ST18: variants seen among roughly 807,000 people sequenced by gnomAD.
ST18 encodes the protein ST18 C2H2C-type zinc finger transcription factor.
In ST18, 50 loss-of-function variants were observed where a neutral mutation model predicts 110.0. That is an observed-to-expected ratio of 0.45 (90% CI 0.36 to 0.58). The LOEUF is 0.58. Ranked by LOEUF, ST18 falls within the 20% of genes least tolerant of loss-of-function variation. The pLI, the probability that ST18 is intolerant of heterozygous loss-of-function variation, is 0.00. For missense variants in ST18, 1,306 were observed against 1,280.1 expected, an observed-to-expected ratio of 1.02 and a Z score of -0.31; for synonymous variants, 461 against 452.4, an observed-to-expected ratio of 1.02 and a Z score of -0.24.
At position 52,319,432 on chromosome 8, in the gene ST18, C is replaced by T. The variant is rs145141541; in HGVS notation, c.-464-89355G>A. Among the ~76,000 whole-genome samples, 586 of 151,896 alleles carry T rather than the reference C, an allele frequency of 3.9e-3. 3 individuals carry two copies. The highest frequency in any genetic ancestry group is 0.013 in the African/African-American group (559 of 41,438). ...CGTTGATTTCTTCTTACAGTTTTTC[C>T]CATTTCTTCTTTCCATATTCCAGAC... On this transcript the variant is annotated intron_variant, in intron 2 of 25. Coordinates refer to ENST00000689386, the MANE Select transcript of ST18 (RefSeq NM_001352837.2).
intron 8 of ST18, among the ~76,000 whole-genome samples, chr8:52,195,779 T>C (rs1226934427): frequency 6.6e-6 from 1 of 152,222 alleles, no homozygotes; most frequent in Non-Finnish European, 1.5e-5. Context: ...CAATTTTACC[T>C]TAACTAACTT....
rs1325237926 is a variant in ST18, at chr8:52,159,123, A to T, written c.1595-14T>A. ...GAAAATGCTTTGCTGTTGAAGAGAG[A>T]TTTGATTAGCAATTGCATGTACATG... On this transcript the variant is annotated splice_polypyrimidine_tract_variant and intron_variant, in intron 14 of 25. Coordinates refer to ENST00000689386, the MANE Select transcript of ST18 (RefSeq NM_001352837.2). The T allele has an allele frequency of 6.2e-7, 1 of 1,610,632 alleles. No individual in the cohort carries two copies. Among genetic ancestry groups the T allele is most frequent in the Admixed American group, 1.7e-5 (1 of 59,886 alleles).
At chr8:52,213,323 T>C (rs2136054422) in intron 7 of ST18, among the ~76,000 whole-genome samples, 1 of 152,286 alleles carries the variant, frequency 6.6e-6, no homozygotes, top group South Asian at 2.1e-4. Flanking sequence ...CTTGACTACA[T>C]ACACAAATAT....
At chr8:52,249,457 C>T (rs191095127) in intron 2 of ST18, 1 of 152,222 alleles carries the variant, frequency 6.6e-6, no homozygotes, top group Non-Finnish European at 1.5e-5. Context: ...GTGTTTGTGT[C>T]GTTGTGTGGT....
intron 8 of ST18, among the ~76,000 whole-genome samples, chr8:52,181,960 G>A (rs1202134264): frequency 6.6e-6 from 1 of 152,096 alleles, no homozygotes; most frequent in African/African-American, 2.4e-5. Flanking sequence ...TGAACCTCCT[G>A]AAGAGAGTAT....
intron 8 of ST18, among the ~76,000 whole-genome samples, chr8:52,204,181 C>T (rs1469758100): frequency 2.0e-5 from 3 of 152,208 alleles, no homozygotes; most frequent in Non-Finnish European, 4.4e-5. Context: ...TATTCTGCTG[C>T]TTGTCTTCAA....
chr8:52,199,885 C>T lies in ST18; in HGVS notation c.86+12194G>A, dbSNP rs1044400546. Among the ~76,000 whole-genome samples the T allele has an allele frequency of 8.5e-5, 13 of 152,272 alleles. No homozygotes were observed. The South Asian group carries it at 2.7e-3, about 32-fold the overall frequency. On this transcript the variant is annotated intron_variant, in intron 8 of 25. Coordinates refer to ENST00000689386, the MANE Select transcript of ST18 (RefSeq NM_001352837.2). ...TCTGTGACAGCAGAAGTTCCCTGGGCAATTTCTCTTCCTTCAAACTCAGGT... is the reference window on the plus strand; with the variant it reads ...TCTGTGACAGCAGAAGTTCCCTGGGTAATTTCTCTTCCTTCAAACTCAGGT...
intron 2 of ST18, among the ~76,000 whole-genome samples, chr8:52,293,190 G>A (rs768808261): frequency 1.3e-5 from 2 of 152,230 alleles, no homozygotes; most frequent in Non-Finnish European, 2.9e-5. Context: ...TGCTTTGTTA[G>A]AGAATTACCA....
chr8:52,131,516 C>T (rs1306782018), intron 22 of ST18, among the ~76,000 whole-genome samples: 1 of 152,152 alleles, frequency 6.6e-6, no homozygotes, highest in Non-Finnish European at 1.5e-5. Flanking sequence ...GAGTCACATC[C>T]TCCCAGTAGC....
Position 52,113,133 on chromosome 8 carries a change from C to T in ST18, c.*65G>A. On this transcript the variant is annotated 3_prime_UTR_variant, in exon 26 of 26. Coordinates refer to ENST00000689386, the MANE Select transcript of ST18 (RefSeq NM_001352837.2). ...CTCCACGCCTTAGCAGTACATGAACCTCTAACAGATCCATCTGGAGTTTAC... is the reference window on the plus strand; with the variant it reads ...CTCCACGCCTTAGCAGTACATGAACTTCTAACAGATCCATCTGGAGTTTAC... The T allele has an allele frequency of 3.1e-6, 5 of 1,596,098 alleles. No individual in the cohort carries two copies. The highest frequency in any genetic ancestry group is 3.4e-6 in the Non-Finnish European group (4 of 1,171,736).
chr8:52,397,670 A>C (rs1841622014), intron 2 of ST18, among the ~76,000 whole-genome samples: 1 of 152,286 alleles, frequency 6.6e-6, no homozygotes, highest in Admixed American at 6.5e-5. Context: ...GCATGTGGAA[A>C]TACAATTTTT....
At chr8:52,333,283 T>A (rs1355095735) in intron 2 of ST18, among the ~76,000 whole-genome samples, 1 of 149,912 alleles carries the variant, frequency 6.7e-6, no homozygotes, top group African/African-American at 2.5e-5. Context: ...AAATAAGACC[T>A]GCATAGCATT....
At chr8:52,295,705 T>C (rs573847705) in intron 2 of ST18, among the ~76,000 whole-genome samples, 26 of 92,118 alleles carry the variant, frequency 2.8e-4, no homozygotes, top group African/African-American at 1.0e-3. Context: ...GCTTCTCTTT[T>C]TTTCCTTTTT....
chr8:52,306,770 A>G (rs968122352), intron 2 of ST18, among the ~76,000 whole-genome samples: 2 of 152,316 alleles, frequency 1.3e-5, no homozygotes, highest in East Asian at 1.9e-4. Context: ...TACCTGGTTT[A>G]TTGATATAAT....
chr8:52,313,803 C>T (rs889681262), intron 2 of ST18, among the ~76,000 whole-genome samples: 4 of 152,168 alleles, frequency 2.6e-5, no homozygotes, highest in African/African-American at 9.6e-5. Context: ...AGGCCTCCCG[C>T]AGCAATGGGA....
chr8:52,396,078 T>C (rs1172250903), intron 2 of ST18, among the ~76,000 whole-genome samples: 1 of 152,142 alleles, frequency 6.6e-6, no homozygotes, highest in Non-Finnish European at 1.5e-5. Flanking sequence ...AGGAAACATA[T>C]AGGTAGTAAA....
At position 52,133,183 on chromosome 8, in the gene ST18, C is replaced by T. The variant is rs201728888; in HGVS notation, c.2364-46G>A. On this transcript the variant is annotated intron_variant, in intron 20 of 25. Transcript: ENST00000689386. ...AGAACAAAGCAAAATTATGTGATCTCTCTGACTGCTGCCGACAAGCTCATT... is the reference window on the plus strand; with the variant it reads ...AGAACAAAGCAAAATTATGTGATCTTTCTGACTGCTGCCGACAAGCTCATT... 1.4e-5 allele frequency: 23 copies of T among 1,614,190 alleles called. No homozygotes were observed. The East Asian group carries it at 4.7e-4, about 33-fold the overall frequency.
chr8:52,338,722 C>T (rs1283079825), intron 2 of ST18, among the ~76,000 whole-genome samples: 2 of 151,990 alleles, frequency 1.3e-5, no homozygotes, highest in African/African-American at 4.8e-5. Context: ...TCACACCTGG[C>T]CTCTTTTTTT....
chr8:52,235,075 G>A (rs2092409975), intron 2 of ST18, among the ~76,000 whole-genome samples: 1 of 151,790 alleles, frequency 6.6e-6, no homozygotes, highest in African/African-American at 2.4e-5. Context: ...AAATTTACTT[G>A]TGTAACCAAA....
Sources: allele counts gnomAD v4.1 joint callset (sites outside exome capture counted in the v4.1 genomes callset), GRCh38; gene constraint gnomAD v4.1.1; transcripts MANE v1.5; gene names NCBI Gene and HGNC (gene_info 2026-07-23, HGNC 2026-07-21).